The following LY96 variants were observed in gnomAD, a reference collection of about 807,000 sequenced individuals.
The protein encoded by LY96 is myeloid differentiation protein-2.
In LY96, 18 loss-of-function variants were observed where a neutral mutation model predicts 18.9. The ratio of observed to expected loss-of-function variants is 0.95; its 90% confidence interval spans 0.66 to 1.41. The LOEUF is 1.41. LY96 is among the 40% of genes most tolerant of loss of function. The pLI is 0.00. For synonymous variants in LY96, 66 were observed against 62.6 expected (o/e 1.06, Z -0.26); for missense variants, 175 against 182.4 (o/e 0.96, Z 0.23).
At chr8:74,015,332 A>T (rs1324036162) in intron 3 of LY96, among the ~76,000 whole-genome samples, 1 of 152,246 alleles carries the variant, frequency 6.6e-6, no homozygotes, top group Non-Finnish European at 1.5e-5. Flanking sequence ...GGAGTCCAGA[A>T]GTCTGAAACC....
chr8:74,013,980 C>G (rs999129813), intron 3 of LY96, among the ~76,000 whole-genome samples: 4 of 151,740 alleles, frequency 2.6e-5, no homozygotes, highest in Non-Finnish European at 5.9e-5. Context: ...TAGGCTGAGG[C>G]AGGAAACTTG....
the LY96 span, among the ~76,000 whole-genome samples, chr8:74,072,993 T>C: frequency 6.6e-6 from 1 of 152,182 alleles, no homozygotes; most frequent in Non-Finnish European, 1.5e-5. Flanking sequence ...CTGTTATCCC[T>C]GTGTCTGTGT....
the LY96 span, among the ~76,000 whole-genome samples, chr8:74,037,826 G>C: frequency 1.3e-5 from 2 of 152,002 alleles, no homozygotes; most frequent in Non-Finnish European, 2.9e-5. Flanking sequence ...CAGCTAAATT[G>C]TCTGCTTCAT....
chr8:74,049,371 A>C, the LY96 span, among the ~76,000 whole-genome samples: 2 of 152,218 alleles, frequency 1.3e-5, no homozygotes, highest in Non-Finnish European at 2.9e-5. Flanking sequence ...TCCGATAAAC[A>C]AACATAGTCA....
intron 3 of LY96, among the ~76,000 whole-genome samples, chr8:74,022,491 C>A (rs117735083): frequency 0.021 from 3,215 of 150,930 alleles, 54 homozygotes; most frequent in Non-Finnish European, 0.03. Flanking sequence ...TTCTATCCAA[C>A]AGAAGAGGTT....
Position 74,002,054 on chromosome 8 carries a change from CCTTCCTTCCTTCCTTCCTTCCTTT to C in LY96, c.113-2738_113-2715del, listed in dbSNP as rs1244190800. On this transcript the variant is annotated intron_variant, in intron 1 of 4. Transcript: ENST00000284818. ...TCCTTCCTTCCTTCCTTCCTTCCTT[CCTTCCTTCCTTCCTTCCTTCCTTT>C]CTTTCTTTCTTTCTTTCTCTCTCTC... is the stretch of plus-strand genomic sequence containing the variant. 4.6e-3 allele frequency among the ~76,000 whole-genome samples: 137 copies of C among 29,912 alleles called. 22 individuals carry two copies. The highest frequency in any genetic ancestry group is 0.028 in the African/African-American group (126 of 4,554). 19.6% of individuals were successfully genotyped at this position (29,912 alleles called of 152,430 possible). A position where few individuals can be genotyped will look rare whatever the true frequency, so the allele number is the denominator to read the frequency against.
the LY96 span, among the ~76,000 whole-genome samples, chr8:74,080,696 TGA>T: frequency 1.3e-5 from 2 of 152,216 alleles, no homozygotes; most frequent in East Asian, 3.8e-4. Context: ...TCTGGCCTGG[TGA>T]GAGAGGTAAA....
the LY96 span, among the ~76,000 whole-genome samples, chr8:74,044,658 A>C: frequency 7.2e-5 from 11 of 152,264 alleles, no homozygotes; most frequent in South Asian, 8.3e-4. Context: ...TTGGAAGCTG[A>C]GGGGCTCACA....
At chr8:73,996,113 C>T (rs1332073990) in intron 1 of LY96, among the ~76,000 whole-genome samples, 1 of 152,150 alleles carries the variant, frequency 6.6e-6, no homozygotes, top group Non-Finnish European at 1.5e-5. Flanking sequence ...CTGCAGTGAG[C>T]CATGTTTGTG....
intron 2 of LY96, among the ~76,000 whole-genome samples, chr8:74,005,677 C>T (rs1816394401): frequency 6.6e-6 from 1 of 152,174 alleles, no homozygotes; most frequent in Non-Finnish European, 1.5e-5. Flanking sequence ...TGGTTTTCCT[C>T]TCTATGACTT....
the LY96 span, among the ~76,000 whole-genome samples, chr8:74,096,338 C>T: frequency 6.6e-6 from 1 of 152,206 alleles, no homozygotes; most frequent in African/African-American, 2.4e-5. Context: ...TCTGACTCCT[C>T]TTCCTGTCAC....
chr8:73,995,270 A>G (rs1014993632), intron 1 of LY96, among the ~76,000 whole-genome samples: 1 of 152,222 alleles, frequency 6.6e-6, no homozygotes, highest in African/African-American at 2.4e-5. Context: ...TTCTTTATTA[A>G]GTACCCAGAC....
At chr8:74,002,573 C>CT (rs750666985) in intron 1 of LY96, among the ~76,000 whole-genome samples, 1,702 of 131,402 alleles carry the variant, frequency 0.013, 24 homozygotes, top group Non-Finnish European at 0.018. Context: ...TTATTTATTT[C>CT]TTTTTTTTTT....
At chr8:74,002,832 C>A (rs779639832) in intron 1 of LY96, among the ~76,000 whole-genome samples, 14 of 152,190 alleles carry the variant, frequency 9.2e-5, no homozygotes, top group Admixed American at 2.6e-4. Flanking sequence ...CCTCGGCCTC[C>A]CAGAGTGCTG....
chr8:74,014,633 C>A (rs1816604255), intron 3 of LY96, among the ~76,000 whole-genome samples: 1 of 152,050 alleles, frequency 6.6e-6, no homozygotes, highest in Admixed American at 6.6e-5. Context: ...ATTTAAGAAG[C>A]ATTGACGTAT....
At chr8:74,014,425 A>G (rs975553454) in intron 3 of LY96, among the ~76,000 whole-genome samples, 1 of 150,170 alleles carries the variant, frequency 6.7e-6, no homozygotes, top group African/African-American at 2.4e-5. Flanking sequence ...CTTGAGGGCC[A>G]GTGACTGGAT....
At chr8:74,084,823 C>T in the LY96 span, among the ~76,000 whole-genome samples, 1 of 152,176 alleles carries the variant, frequency 6.6e-6, no homozygotes, top group African/African-American at 2.4e-5. Context: ...CCATGTTGGC[C>T]AGGCTGGTCT....
the LY96 span, among the ~76,000 whole-genome samples, chr8:74,077,738 A>G: frequency 6.6e-6 from 1 of 151,896 alleles, no homozygotes; most frequent in Non-Finnish European, 1.5e-5. Context: ...AAAATTAAAT[A>G]TATAAAAAGT....
the LY96 span, among the ~76,000 whole-genome samples, chr8:74,042,412 T>C: frequency 6.6e-6 from 1 of 151,794 alleles, no homozygotes; most frequent in Non-Finnish European, 1.5e-5. Context: ...TCTCAGCTAC[T>C]TGGGAGGCTG....
Sources: gnomAD v4.1 joint callset for allele counts (sites outside exome capture counted in the v4.1 genomes callset) on GRCh38, gnomAD v4.1.1 for gene constraint, MANE v1.5 for transcripts, NCBI Gene and HGNC (gene_info 2026-07-23, HGNC 2026-07-21) for gene names.